The following ABCC11 variants were observed in gnomAD, a reference collection of about 807,000 sequenced individuals.
ABCC11 encodes the protein ATP binding cassette subfamily C member 11, also known as ATP-binding cassette sub-family C member 11.
ABCC11 carries 135 observed loss-of-function variants against 149.3 expected under a neutral mutation model. The ratio of observed to expected loss-of-function variants is 0.90; its 90% CI spans 0.79 to 1.04. The LOEUF is 1.04. Among genes scored for constraint, ABCC11 ranks in the 50% least tolerant of loss-of-function variants. The pLI, the probability that ABCC11 is intolerant of heterozygous loss-of-function variation, is 0.00. For missense variants in ABCC11, 1,680 were observed against 1,722.1 expected, an observed-to-expected ratio of 0.98 and a Z score of 0.43; for synonymous variants, 665 against 671.4, an observed-to-expected ratio of 0.99 and a Z score of 0.15.
chr16:48,230,583 G>A lies in ABCC11; in HGVS notation c.100-10C>T. The A allele has an allele frequency of 6.5e-7, 1 of 1,549,640 alleles. No homozygotes were observed. Among genetic ancestry groups the A allele is most frequent in the Non-Finnish European group, 8.7e-7 (1 of 1,145,596 alleles). The stretch of plus-strand genomic sequence containing the variant: ...GGAGAGTATAGGTTTTCTTGGAAAA[G>A]AAAAACAAAAGAGCATCAGTTTCAA... On this transcript the variant is annotated splice_polypyrimidine_tract_variant and intron_variant, in intron 2 of 29. Coordinates refer to ENST00000356608, the MANE Select transcript of ABCC11 (RefSeq NM_001370497.1).
chr16:48,214,820 A>C (rs905268112), intron 9 of ABCC11, 61 bp downstream of exon 9: 1 of 1,599,474 alleles, frequency 6.3e-7, no homozygotes, highest in South Asian at 1.1e-5. Flanking sequence ...TGGCTAAAAA[A>C]GGACACGTGA....
intron 1 of ABCC11, among the ~76,000 whole-genome samples, chr16:48,236,704 C>A (rs756007141): frequency 1.3e-5 from 2 of 152,202 alleles, no homozygotes; most frequent in Admixed American, 6.5e-5. Flanking sequence ...CCAAAGTAGG[C>A]TGACACATCC....
chr16:48,211,328 C>T, intron 10 of ABCC11, 129 bp from the exon 11 acceptor site: 3 of 1,174,116 alleles, frequency 2.6e-6, no homozygotes, highest in East Asian at 4.8e-5. Context: ...TAAAAGTTTG[C>T]AGAAGTACCA....
At position 48,167,217 on chromosome 16, in the gene ABCC11, G is replaced by T. The variant is rs1486344360; in HGVS notation, c.*57C>A. ...GTCGCAGACTGTGGGCCTCGAAGCTGCACCTGTGTGAACCTCTGAGCTCAG... is the reference window on the plus strand; with the variant it reads ...GTCGCAGACTGTGGGCCTCGAAGCTTCACCTGTGTGAACCTCTGAGCTCAG... On this transcript the variant is annotated 3_prime_UTR_variant, in exon 30 of 30. Coordinates refer to ENST00000356608, the MANE Select transcript of ABCC11 (RefSeq NM_001370497.1). The T allele has an allele frequency of 3.9e-6, 3 of 774,784 alleles. No homozygotes were observed. In the African/African-American group the frequency reaches 5.1e-5, roughly 13 times the overall value. The allele number at this position is 774,784 out of a possible 1,614,324, so 48.0% of individuals were successfully genotyped here. A position where few individuals can be genotyped will look rare whatever the true frequency, so the allele number is the denominator to read the frequency against.
chr16:48,192,472 C>T (rs755934196), intron 20 of ABCC11, 48 bp downstream of exon 20: 8 of 1,568,584 alleles, frequency 5.1e-6, no homozygotes, highest in Non-Finnish European at 5.2e-6. Context: ...TGAAGCTGGG[C>T]AAGTTCAGAG....
intron 1 of ABCC11, among the ~76,000 whole-genome samples, chr16:48,245,503 T>C (rs1971318637): frequency 6.6e-6 from 1 of 152,224 alleles, no homozygotes; most frequent in Non-Finnish European, 1.5e-5. Flanking sequence ...CAGTACTGTG[T>C]AGTGCATGTG....
At chr16:48,206,470 T>C (rs1019734106) in intron 12 of ABCC11, among the ~76,000 whole-genome samples, 2 of 152,164 alleles carry the variant, frequency 1.3e-5, no homozygotes, top group Non-Finnish European at 2.9e-5. Flanking sequence ...TAAAAACAAA[T>C]AGAGATAGAC....
chr16:48,246,177 G>C (rs1342430024), intron 1 of ABCC11, among the ~76,000 whole-genome samples: 3 of 151,938 alleles, frequency 2.0e-5, no homozygotes, highest in Admixed American at 2.0e-4. Flanking sequence ...CAGCAGCCCA[G>C]TATTCATTTA....
chr16:48,215,949 G>C (rs1343841735), intron 7 of ABCC11, among the ~76,000 whole-genome samples, 165 bp downstream of exon 7: 1 of 152,222 alleles, frequency 6.6e-6, no homozygotes, highest in Non-Finnish European at 1.5e-5. Flanking sequence ...TTAACCGAAT[G>C]TTGTGGCCAG....
chr16:48,180,653 G>A (rs759217525), intron 23 of ABCC11, among the ~76,000 whole-genome samples: 1 of 152,214 alleles, frequency 6.6e-6, no homozygotes, highest in Non-Finnish European at 1.5e-5. Flanking sequence ...TCTCAAAAGC[G>A]CATGCAGAAG....
intron 24 of ABCC11, among the ~76,000 whole-genome samples, chr16:48,177,596 T>G (rs1966167975): frequency 6.6e-6 from 1 of 152,226 alleles, no homozygotes; most frequent in Non-Finnish European, 1.5e-5. Flanking sequence ...ACAACTTACT[T>G]AAGATCACAC....
chr16:48,244,394 A>G, intron 1 of ABCC11: 2 of 1,548,590 alleles, frequency 1.3e-6, no homozygotes, highest in Non-Finnish European at 1.7e-6. Flanking sequence ...CCAGCATGTC[A>G]TCAGTGAGCC....
chr16:48,200,983 T>A (rs1479158152), intron 14 of ABCC11, among the ~76,000 whole-genome samples: 2 of 152,142 alleles, frequency 1.3e-5, no homozygotes, highest in Non-Finnish European at 2.9e-5. Flanking sequence ...ATAGCACAGG[T>A]ACCCAAAAAA....
In ABCC11 at chr16:48,208,448, G is replaced by A. The variant is rs16945946; in HGVS notation, c.1657C>T (p.Leu553=). The A allele has an allele frequency of 2.1e-3, 3,427 of 1,614,130 alleles. 57 individuals carry two copies. In the African/African-American group the frequency reaches 0.039, roughly 19 times the overall value. Residue 553 remains leucine (L), a synonymous_variant, in exon 12 of 30, where the codon CTG becomes TTG. Transcript: ENST00000356608. The part of the protein sequence containing the change: ...CGNTGSGKSS[L]LSAILEEMHL... ...ACCTCCTCCAGGATGGCTGACAACA[G>A]GCTGCTCTTACCACTCCCCGTGTTG... is the stretch of plus-strand genomic sequence containing the variant.
At chr16:48,227,641 T>A (rs899770717) in intron 4 of ABCC11, among the ~76,000 whole-genome samples, 165 bp downstream of exon 4, 1 of 152,080 alleles carries the variant, frequency 6.6e-6, no homozygotes, top group Non-Finnish European at 1.5e-5. Flanking sequence ...AGGAGATTCA[T>A]GAACCCCACG....
At chr16:48,244,734 G>T in intron 1 of ABCC11, 1 of 683,972 alleles carries the variant, frequency 1.5e-6, no homozygotes, top group South Asian at 3.5e-5. Flanking sequence ...GGCCTTCGCG[G>T]CTCGGTTCCG....
At chr16:48,204,758 G>A (rs1296579364) in intron 13 of ABCC11, among the ~76,000 whole-genome samples, 5 of 152,192 alleles carry the variant, frequency 3.3e-5, no homozygotes, top group Non-Finnish European at 7.3e-5. Flanking sequence ...GTCCACCATA[G>A]TTGGAAGCGT....
At chr16:48,172,646 A>G (rs1025462867) in intron 26 of ABCC11, among the ~76,000 whole-genome samples, 3 of 152,188 alleles carry the variant, frequency 2.0e-5, no homozygotes, top group Non-Finnish European at 2.9e-5. Context: ...TGGTCTCTGC[A>G]CAATTTTACA....
Position 48,177,002 on chromosome 16 carries a change from T to A in ABCC11, c.3460A>T (p.Thr1154Ser). 6.2e-7 allele frequency: 1 copy of A among 1,614,196 alleles called. No homozygotes were observed. The highest frequency in any genetic ancestry group is 8.5e-7 in the Non-Finnish European group (1 of 1,180,022). Residue 1154 changes from threonine to serine, a missense_variant, in exon 25 of 30, where the codon ACA becomes TCA. By Grantham distance (58) the Thr-to-Ser change is moderately conservative. Coordinates refer to ENST00000356608, the MANE Select transcript of ABCC11 (RefSeq NM_001370497.1). Reference protein sequence around the residue: ...QDYHMKYRDNTPTVLHGINLT... With the variant: ...QDYHMKYRDNSPTVLHGINLT... ...TTGATGCCGTGAAGCACGGTGGGTG[T>A]GTTGTCTCTGTATTTCATGTGATAA...
Sources: allele counts gnomAD v4.1 joint callset (sites outside exome capture counted in the v4.1 genomes callset), GRCh38; gene constraint gnomAD v4.1.1; transcripts MANE v1.5; gene names NCBI Gene and HGNC (gene_info 2026-07-23, HGNC 2026-07-21).